SEC24D: variants seen among roughly 807,000 people sequenced by gnomAD.
SEC24D encodes the protein protein transport protein Sec24D.
Under a neutral mutation model 116.9 loss-of-function variants are expected in SEC24D, and 69 were observed. That is an observed-to-expected ratio of 0.59 (90% confidence interval 0.49 to 0.72). The LOEUF is 0.72. SEC24D is among the 30% of genes least tolerant of loss of function. The pLI is 0.00. For missense variants in SEC24D, 1,131 were observed against 1,264.1 expected (o/e 0.89, Z 1.60); for synonymous variants, 405 against 442.8 (o/e 0.91, Z 1.07).
intron 11 of SEC24D, among the ~76,000 whole-genome samples, chr4:118,755,298 G>A (rs940811763): frequency 1.3e-5 from 2 of 151,688 alleles, no homozygotes; most frequent in African/African-American, 2.4e-5. Context: ...ATACATTGAT[G>A]TTCTTTTTTT....
intron 2 of SEC24D, among the ~76,000 whole-genome samples, chr4:118,826,127 T>TGA (rs1730582954): frequency 1.3e-5 from 2 of 152,106 alleles, no homozygotes; most frequent in African/African-American, 4.8e-5. Context: ...TAATTCTACA[T>TGA]AGTTTTACTT....
intron 8 of SEC24D, among the ~76,000 whole-genome samples, chr4:118,778,841 G>C (rs910668603): frequency 3.3e-5 from 5 of 152,098 alleles, no homozygotes; most frequent in African/African-American, 9.7e-5. Context: ...TGGATTCCTA[G>C]GTATTTTATT....
intron 6 of SEC24D, among the ~76,000 whole-genome samples, chr4:118,810,073 G>T (rs1729838483): frequency 4.2e-5 from 2 of 47,830 alleles, no homozygotes; most frequent in African/African-American, 2.0e-4. Context: ...GTCAGAGGTA[G>T]CTGTGTGTGT....
intron 14 of SEC24D, 144 bp from the exon 15 acceptor site, chr4:118,744,302 C>A: frequency 1.2e-6 from 1 of 828,632 alleles, no homozygotes; most frequent in Non-Finnish European, 1.8e-6. Context: ...GCTGAAGAAA[C>A]ACACTGTGGT....
intron 19 of SEC24D, among the ~76,000 whole-genome samples, chr4:118,734,833 T>C (rs1318204068): frequency 6.6e-6 from 1 of 152,228 alleles, no homozygotes; most frequent in Non-Finnish European, 1.5e-5. Flanking sequence ...TAGCATAATA[T>C]ATCTTCATTT....
At chr4:118,745,514 T>C (rs1327006933) in intron 13 of SEC24D, among the ~76,000 whole-genome samples, 2 of 152,168 alleles carry the variant, frequency 1.3e-5, no homozygotes, top group African/African-American at 2.4e-5. Context: ...TACAGTGGTA[T>C]TTTGAGGAAG....
intron 8 of SEC24D, among the ~76,000 whole-genome samples, chr4:118,789,027 T>A (rs926463508): frequency 2.6e-5 from 4 of 152,206 alleles, no homozygotes; most frequent in African/African-American, 9.6e-5. Flanking sequence ...TCTAAAATGA[T>A]TATTTCAAGA....
At chr4:118,794,331 G>A (rs1729080845) in intron 8 of SEC24D, among the ~76,000 whole-genome samples, 2 of 152,230 alleles carry the variant, frequency 1.3e-5, no homozygotes, top group Non-Finnish European at 2.9e-5. Context: ...AACAATTGCT[G>A]AGTTTTGTTC....
chr4:118,833,983 A>AAT (rs1730987275), intron 1 of SEC24D, among the ~76,000 whole-genome samples: 1 of 152,234 alleles, frequency 6.6e-6, no homozygotes, highest in Admixed American at 6.5e-5. Context: ...AGACCTGAAT[A>AAT]ATAACTCGCA....
intron 14 of SEC24D, 31 bp from the exon 15 acceptor site, chr4:118,744,189 A>G: frequency 1.3e-6 from 2 of 1,494,618 alleles, no homozygotes; most frequent in South Asian, 1.3e-5. Flanking sequence ...AAAAGAAAAA[A>G]TAAAAATTAC....
Position 118,812,368 on chromosome 4 carries a change from C to T in SEC24D, c.801+2660G>A, listed in dbSNP as rs116768555. Among the ~76,000 whole-genome samples the T allele has an allele frequency of 2.9e-3, 448 of 152,212 alleles. 3 individuals are homozygous for T. The highest frequency in any genetic ancestry group is 0.01 in the African/African-American group (426 of 41,526). ...CCATGGACCTAGGTGAGGACAGGCA[C>T]TCATCCTTCCGTGCCCAAATGTTGC... is the stretch of plus-strand genomic sequence containing the variant. On this transcript the variant is annotated intron_variant, in intron 6 of 22. Coordinates refer to ENST00000280551, the MANE Select transcript of SEC24D (RefSeq NM_014822.4).
chr4:118,810,137 T>TGTGTGGGTGG (rs56961502), intron 6 of SEC24D, among the ~76,000 whole-genome samples: 2 of 104,280 alleles, frequency 1.9e-5, no homozygotes, highest in Non-Finnish European at 2.1e-5. Flanking sequence ...TGTGTGTGTG[T>TGTGTGGGTGG]CAGAGGGTAT....
intron 18 of SEC24D, 33 bp downstream of exon 18, chr4:118,739,116 G>T: frequency 6.2e-7 from 1 of 1,609,802 alleles, no homozygotes; most frequent in Non-Finnish European, 8.5e-7. Flanking sequence ...ACTAAGCAAG[G>T]TTTACTGAAC....
intron 3 of SEC24D, 61 bp downstream of exon 3, chr4:118,824,559 G>A: frequency 6.5e-7 from 1 of 1,531,404 alleles, no homozygotes; most frequent in Non-Finnish European, 8.9e-7. Flanking sequence ...AAGCTTAGAA[G>A]GTATTTCTGA....
At chr4:118,805,561 T>C (rs1362419562) in intron 7 of SEC24D, among the ~76,000 whole-genome samples, 1 of 152,186 alleles carries the variant, frequency 6.6e-6, no homozygotes, top group African/African-American at 2.4e-5. Flanking sequence ...TAAACCAAAG[T>C]AGGGTATAAA....
chr4:118,756,723 C>G (rs1727118220), intron 11 of SEC24D, among the ~76,000 whole-genome samples: 1 of 152,150 alleles, frequency 6.6e-6, no homozygotes, highest in African/African-American at 2.4e-5. Context: ...TTCATATTTC[C>G]TCGCATGAGG....
intron 8 of SEC24D, among the ~76,000 whole-genome samples, chr4:118,791,539 CCTCTCTCTCCCTCCACGGT>C (rs1165745246): frequency 6.6e-6 from 1 of 152,136 alleles, no homozygotes; most frequent in African/African-American, 2.4e-5. Flanking sequence ...CCTCCTCCCT[CCTCTCTCTCCCTCCACGGT>C]CTCCCTCTGA....
chr4:118,805,948 C>G lies in SEC24D; in HGVS notation c.808G>C (p.Val270Leu). ...CTGCTGGCTCTATCATTCTCAATCA[C>G]CTGGATCTGATAAATAAGACATCAA... ...DPDSIPSPIQVIENDRASRGG... is the reference protein window; with the variant it reads ...DPDSIPSPIQLIENDRASRGG... Residue 270 changes from valine to leucine, a missense_variant, in exon 7 of 23, where the codon GTG becomes CTG. Physicochemically the swap from Val to Leu is conservative, Grantham distance 32. Coordinates refer to ENST00000280551, the MANE Select transcript of SEC24D (RefSeq NM_014822.4). 6.3e-7 allele frequency: 1 copy of G among 1,594,504 alleles called. No individual in the cohort carries two copies. Among genetic ancestry groups the G allele is most frequent in the Non-Finnish European group, 8.5e-7 (1 of 1,170,078 alleles).
At chr4:118,805,678 T>G (rs1472625035) in intron 7 of SEC24D, among the ~76,000 whole-genome samples, 165 bp downstream of exon 7, 1 of 152,222 alleles carries the variant, frequency 6.6e-6, no homozygotes, top group African/African-American at 2.4e-5. Context: ...TAAAATTCAG[T>G]TGATAGCATC....
Sources: gnomAD v4.1 joint callset for allele counts (sites outside exome capture counted in the v4.1 genomes callset) on GRCh38, gnomAD v4.1.1 for gene constraint, MANE v1.5 for transcripts, NCBI Gene and HGNC (gene_info 2026-07-23, HGNC 2026-07-21) for gene names.